GLI2: variants seen among roughly 807,000 people sequenced by gnomAD.
GLI2 encodes the protein transcription activator GLI2.
GLI2 carries 22 observed loss-of-function variants against 78.9 expected under a neutral mutation model. The observed-to-expected ratio is 0.28, with a 90% CI of 0.20 to 0.40. The LOEUF (loss-of-function observed/expected upper bound fraction) is 0.40, where lower values mean the gene tolerates loss of function less well. GLI2 is among the 10% of genes least tolerant of loss of function. The pLI is 1.00. For missense variants in GLI2, 2,097 were observed against 2,213.2 expected, an observed-to-expected ratio of 0.95 and a Z score of 1.05; for synonymous variants, 974 against 963.7, an observed-to-expected ratio of 1.01 and a Z score of -0.20.
At chr2:120,789,448 C>T (rs567910771) in intron 1 of GLI2, among the ~76,000 whole-genome samples, 12 of 152,204 alleles carry the variant, frequency 7.9e-5, no homozygotes, top group South Asian at 2.1e-4. Context: ...TTGTGCTCTC[C>T]GGGCCAAGTT....
At chr2:120,812,294 C>T (rs1157196020) in intron 2 of GLI2, among the ~76,000 whole-genome samples, 1 of 152,206 alleles carries the variant, frequency 6.6e-6, no homozygotes, top group Non-Finnish European at 1.5e-5. Flanking sequence ...GGTCCCCTCA[C>T]TGCGTTGGGA....
At chr2:120,822,177 G>T (rs1685809665) in intron 2 of GLI2, among the ~76,000 whole-genome samples, 1 of 152,252 alleles carries the variant, frequency 6.6e-6, no homozygotes, top group Non-Finnish European at 1.5e-5. Context: ...TGCAAGGATT[G>T]TTACAAGGGT....
At chr2:120,939,402 C>T (rs921808760) in intron 3 of GLI2, among the ~76,000 whole-genome samples, 15 of 152,184 alleles carry the variant, frequency 9.9e-5, no homozygotes, top group Non-Finnish European at 1.9e-4. Flanking sequence ...GTCCCGTGTG[C>T]TCCCCAATCT....
intron 1 of GLI2, among the ~76,000 whole-genome samples, chr2:120,761,653 G>A (rs1683216954): frequency 1.3e-5 from 2 of 152,102 alleles, no homozygotes; most frequent in Non-Finnish European, 2.9e-5. Context: ...GTCCCAGCCC[G>A]GGAGAGCCAC....
intron 2 of GLI2, among the ~76,000 whole-genome samples, chr2:120,810,053 C>CG (rs1256791749): frequency 6.6e-6 from 1 of 152,144 alleles, no homozygotes; most frequent in Non-Finnish European, 1.5e-5. Flanking sequence ...GCCCCAGGGG[C>CG]GGGGGCCCTG....
chr2:120,951,614 A>G, intron 4 of GLI2, 169 bp downstream of exon 4: 2 of 583,474 alleles, frequency 3.4e-6, no homozygotes, highest in Admixed American at 3.2e-5. Context: ...TTTGGGTTTT[A>G]TGCTCATTAA....
At chr2:120,911,105 G>A (rs1678794535) in intron 2 of GLI2, among the ~76,000 whole-genome samples, 1 of 152,166 alleles carries the variant, frequency 6.6e-6, no homozygotes, top group Admixed American at 6.5e-5. Context: ...ACTGGGACCT[G>A]GGCCTTCCCC....
chr2:120,972,605 T>G, intron 8 of GLI2: 1 of 517,892 alleles, frequency 1.9e-6, no homozygotes, highest in Non-Finnish European at 3.9e-6. Flanking sequence ...GTCTGCACTC[T>G]AAGCTTTGGA....
chr2:120,928,438 A>G (rs1679797809), intron 3 of GLI2, among the ~76,000 whole-genome samples: 1 of 152,102 alleles, frequency 6.6e-6, no homozygotes, highest in Non-Finnish European at 1.5e-5. Context: ...GCTGCCCTCA[A>G]TCCACAGCAT....
At chr2:120,973,280 G>A (rs939276482) in intron 8 of GLI2, among the ~76,000 whole-genome samples, 4 of 152,168 alleles carry the variant, frequency 2.6e-5, no homozygotes, top group African/African-American at 9.6e-5. Flanking sequence ...TGATGAGGAC[G>A]GCACATATCC....
intron 3 of GLI2, among the ~76,000 whole-genome samples, chr2:120,945,461 G>A (rs1480135479): frequency 6.6e-6 from 1 of 152,200 alleles, no homozygotes; most frequent in African/African-American, 2.4e-5. Flanking sequence ...TCTGCAGGTG[G>A]GTGGATGGAC....
intron 2 of GLI2, among the ~76,000 whole-genome samples, chr2:120,923,279 TACAACACACACATACACA>T (rs1337599849): frequency 6.9e-4 from 4 of 5,792 alleles, no homozygotes; most frequent in Non-Finnish European, 2.6e-3. Flanking sequence ...AACATACATG[TACAACACACACATACACA>T]GCAATGCATA....
At chr2:120,770,267 A>G (rs1367545135) in intron 1 of GLI2, among the ~76,000 whole-genome samples, 1 of 152,082 alleles carries the variant, frequency 6.6e-6, no homozygotes, top group Non-Finnish European at 1.5e-5. Context: ...CCTCCTGTCC[A>G]GGCCTTGCCT....
At chr2:120,899,134 G>A (rs976848514) in intron 2 of GLI2, among the ~76,000 whole-genome samples, 3 of 152,226 alleles carry the variant, frequency 2.0e-5, no homozygotes, top group Admixed American at 2.0e-4. Flanking sequence ...CGCCAGGAGA[G>A]CTCTTTCCTG....
chr2:120,822,841 A>G (rs1485966657), intron 2 of GLI2, among the ~76,000 whole-genome samples: 2 of 152,164 alleles, frequency 1.3e-5, no homozygotes, highest in Non-Finnish European at 1.5e-5. Context: ...TGCAACCCAA[A>G]TGGCAAATTT....
At chr2:120,802,674 G>GA (rs1490394678) in intron 2 of GLI2, among the ~76,000 whole-genome samples, 1 of 152,134 alleles carries the variant, frequency 6.6e-6, no homozygotes, top group Non-Finnish European at 1.5e-5. Flanking sequence ...GAGCCTCTGG[G>GA]ATAATATGAA....
chr2:120,762,737 C>T (rs1248743981), intron 1 of GLI2, among the ~76,000 whole-genome samples: 1 of 152,218 alleles, frequency 6.6e-6, no homozygotes, highest in African/African-American at 2.4e-5. Context: ...CCCACCATCC[C>T]ACCATGAAAG....
chr2:120,766,696 G>T (rs1683376702), intron 1 of GLI2, among the ~76,000 whole-genome samples: 1 of 152,218 alleles, frequency 6.6e-6, no homozygotes, highest in African/African-American at 2.4e-5. Context: ...TTCTGCATCT[G>T]TAAACTAGGG....
chr2:120,783,283 G>T (rs1683900036), intron 1 of GLI2, among the ~76,000 whole-genome samples: 1 of 152,120 alleles, frequency 6.6e-6, no homozygotes, highest in East Asian at 1.9e-4. Context: ...TGGCACCCTG[G>T]CTTCCCATAT....
Sources: allele counts gnomAD v4.1 joint callset (sites outside exome capture counted in the v4.1 genomes callset), GRCh38; gene constraint gnomAD v4.1.1; transcripts MANE v1.5; gene names NCBI Gene and HGNC (gene_info 2026-07-23, HGNC 2026-07-21).